The following BBOX1 variants were observed in gnomAD, a reference collection of about 807,000 sequenced individuals.
BBOX1 encodes the protein gamma-butyrobetaine dioxygenase.
BBOX1 carries 35 observed loss-of-function variants against 41.6 expected under a neutral mutation model. That is an observed-to-expected ratio of 0.84 (90% confidence interval 0.64 to 1.11). The LOEUF is 1.11. Ranked by LOEUF, BBOX1 falls within the 50% of genes most tolerant of loss-of-function variation. The pLI is 0.00. For missense variants in BBOX1, 458 were observed against 460.6 expected, an observed-to-expected ratio of 0.99 and a Z score of 0.05; for synonymous variants, 163 against 154.7, an observed-to-expected ratio of 1.05 and a Z score of -0.40.
chr11:27,093,420 TC>T (rs1373096220), intron 5 of BBOX1, 54 bp downstream of exon 5: 1 of 1,569,108 alleles, frequency 6.4e-7, no homozygotes, highest in African/African-American at 1.4e-5. Flanking sequence ...TTGAAATAGT[TC>T]CCAACTGAGG....
At chr11:27,071,582 A>C (rs2133994126) in intron 4 of BBOX1, among the ~76,000 whole-genome samples, 1 of 152,198 alleles carries the variant, frequency 6.6e-6, no homozygotes, top group South Asian at 2.1e-4. Context: ...AGTTCTCATA[A>C]GATCTATGGT....
chr11:27,057,563 A>C (rs1156564958), intron 4 of BBOX1: 4 of 404,496 alleles, frequency 9.9e-6, no homozygotes, highest in African/African-American at 8.5e-5. Context: ...TGTCTTTGTC[A>C]TCTAAAGCAA....
chr11:27,087,762 T>C (rs1171128827), intron 4 of BBOX1, among the ~76,000 whole-genome samples: 2 of 152,068 alleles, frequency 1.3e-5, no homozygotes, highest in East Asian at 3.9e-4. Flanking sequence ...CTCATATTGG[T>C]ACACAGGTTC....
intron 4 of BBOX1, among the ~76,000 whole-genome samples, chr11:27,081,432 C>T (rs1461100072): frequency 6.6e-6 from 1 of 152,144 alleles, no homozygotes; most frequent in Admixed American, 6.6e-5. Flanking sequence ...ATATGTGCCA[C>T]ATTTTCTTTA....
At chr11:27,068,384 T>G (rs565419094) in intron 4 of BBOX1, among the ~76,000 whole-genome samples, 64 of 152,292 alleles carry the variant, frequency 4.2e-4, no homozygotes, top group Non-Finnish European at 7.5e-4. Context: ...TTGAGAAATG[T>G]CCATTCATGT....
At chr11:27,059,069 G>A (rs916097610) in intron 4 of BBOX1, among the ~76,000 whole-genome samples, 7 of 152,146 alleles carry the variant, frequency 4.6e-5, no homozygotes, top group South Asian at 2.1e-4. Flanking sequence ...TCCCATCACA[G>A]ACCCAGAGGC....
At chr11:27,095,648 C>T (rs2134049012) in intron 5 of BBOX1, among the ~76,000 whole-genome samples, 1 of 152,098 alleles carries the variant, frequency 6.6e-6, no homozygotes, top group East Asian at 1.9e-4. Flanking sequence ...CCCCTTACTT[C>T]TACCACTGGT....
At chr11:27,116,207 A>C (rs1473534651) in intron 6 of BBOX1, among the ~76,000 whole-genome samples, 1 of 151,984 alleles carries the variant, frequency 6.6e-6, no homozygotes, top group African/African-American at 2.4e-5. Context: ...CATTCTCAGC[A>C]AACTAACACA....
intron 4 of BBOX1, among the ~76,000 whole-genome samples, chr11:27,058,718 T>C (rs984980119): frequency 3.2e-4 from 48 of 152,190 alleles, no homozygotes; most frequent in South Asian, 1.2e-3. Flanking sequence ...AAGTTTGAAA[T>C]TGAGAGTGAT....
Position 27,127,366 on chromosome 11 carries a change from C to G in BBOX1, c.1077C>G (p.Ser359=), listed in dbSNP as rs1358467711. Residue 359 remains serine (S), a synonymous_variant, in exon 9 of 9, where the codon TCC becomes TCG. Coordinates refer to ENST00000263182, the MANE Select transcript of BBOX1 (RefSeq NM_003986.3). ...GCTATGAAGCAGGAACTGAGATATC[C>G]CGCCATCTAGAAGGAGCTTATGCTG... ...RRSYEAGTEI[S]RHLEGAYADW... is the part of the protein sequence containing the mutation. 6.2e-7 allele frequency: 1 copy of G among 1,614,100 alleles called. No individual in the cohort carries two copies. Among genetic ancestry groups the G allele is most frequent in the Non-Finnish European group, 8.5e-7 (1 of 1,180,000 alleles).
chr11:27,093,667 T>G (rs1353241748), intron 5 of BBOX1, among the ~76,000 whole-genome samples: 1 of 132,630 alleles, frequency 7.5e-6, no homozygotes, highest in Non-Finnish European at 1.5e-5. Context: ...AGAAAATTAT[T>G]TATTTGTTTT....
At chr11:27,092,042 A>C (rs1272105759) in intron 4 of BBOX1, among the ~76,000 whole-genome samples, 1 of 151,938 alleles carries the variant, frequency 6.6e-6, no homozygotes, top group East Asian at 1.9e-4. Context: ...GGCTCCGTGC[A>C]CCTGCATGTA....
intron 7 of BBOX1, among the ~76,000 whole-genome samples, chr11:27,121,327 G>A (rs528427149): frequency 2.6e-4 from 40 of 152,256 alleles, no homozygotes; most frequent in Non-Finnish European, 4.3e-4. Flanking sequence ...AGTCTTGTTA[G>A]CAAATTATAA....
intron 4 of BBOX1, among the ~76,000 whole-genome samples, chr11:27,062,693 A>T (rs992414479): frequency 6.6e-6 from 1 of 151,818 alleles, no homozygotes; most frequent in Non-Finnish European, 1.5e-5. Context: ...GAGTAGCTAC[A>T]GGTGCTACAA....
chr11:27,042,888 T>G (rs954841629), intron 2 of BBOX1, among the ~76,000 whole-genome samples: 3 of 151,990 alleles, frequency 2.0e-5, no homozygotes, highest in Admixed American at 2.0e-4. Context: ...CAAGTAAAAA[T>G]TAATTGATTT....
At chr11:27,126,663 C>T (rs115999074) in intron 8 of BBOX1, among the ~76,000 whole-genome samples, 2 of 147,620 alleles carry the variant, frequency 1.4e-5, no homozygotes, top group Admixed American at 7.1e-5. Context: ...TGAGAAGAAA[C>T]ATTTCTTTTT....
At chr11:27,115,655 G>T in intron 6 of BBOX1, 98 bp downstream of exon 6, 1 of 1,075,134 alleles carries the variant, frequency 9.3e-7, no homozygotes, top group African/African-American at 1.7e-5. Flanking sequence ...CAGGTAGTTT[G>T]TCTTTTATAA....
chr11:27,089,281 T>C (rs1271923253), intron 4 of BBOX1, among the ~76,000 whole-genome samples: 2 of 152,014 alleles, frequency 1.3e-5, no homozygotes, highest in Admixed American at 6.6e-5. Flanking sequence ...AGCTATGATA[T>C]TGGACAGCAC....
At chr11:27,120,816 A>C (rs1191857148) in intron 7 of BBOX1, among the ~76,000 whole-genome samples, 2 of 152,088 alleles carry the variant, frequency 1.3e-5, no homozygotes, top group Non-Finnish European at 2.9e-5. Flanking sequence ...AAAATAATTA[A>C]ATCCCCAGTA....
Sources: allele counts gnomAD v4.1 joint callset (sites outside exome capture counted in the v4.1 genomes callset), GRCh38; gene constraint gnomAD v4.1.1; transcripts MANE v1.5; gene names NCBI Gene and HGNC (gene_info 2026-07-23, HGNC 2026-07-21).